The following PECAM1 variants were observed in gnomAD, a reference collection of about 807,000 sequenced individuals.
The protein encoded by PECAM1 is platelet endothelial cell adhesion molecule.
A neutral mutation model predicts 13.8 loss-of-function variants in PECAM1; 8 were observed. The observed-to-expected ratio is 0.58, with a 90% CI of 0.34 to 1.05. PECAM1 has a LOEUF of 1.05. Ranked by LOEUF, PECAM1 falls within the 50% of genes least tolerant of loss-of-function variation. PECAM1 has a pLI of 0.03. For synonymous variants in PECAM1, 136 were observed against 52.6 expected, an observed-to-expected ratio of 2.58 and a Z score of -6.86; for missense variants, 304 against 141.2, an observed-to-expected ratio of 2.15 and a Z score of -5.84.
intron 5 of PECAM1, among the ~76,000 whole-genome samples, chr17:64,365,262 C>A (rs1206594137): frequency 6.6e-6 from 1 of 152,164 alleles, no homozygotes; most frequent in African/African-American, 2.4e-5. Flanking sequence ...ATCCAACTTA[C>A]AAGGGACATG....
At chr17:64,373,147 A>ATAAATAAAT (rs1185925031) in intron 4 of PECAM1, among the ~76,000 whole-genome samples, 4 of 139,252 alleles carry the variant, frequency 2.9e-5, no homozygotes, top group African/African-American at 8.6e-5. Flanking sequence ...AAATAAATAA[A>ATAAATAAAT]AAAAAAAGAA....
chr17:64,385,775 C>T (rs2036579964), intron 2 of PECAM1, among the ~76,000 whole-genome samples: 1 of 152,158 alleles, frequency 6.6e-6, no homozygotes, highest in Non-Finnish European at 1.5e-5. Flanking sequence ...CCTGCCAGGC[C>T]AAGGACAGGC....
At chr17:64,361,127 A>ATGTGTGTGCGTGTGTGTGTGTG (rs1384237450) in intron 6 of PECAM1, among the ~76,000 whole-genome samples, 1 of 46,954 alleles carries the variant, frequency 2.1e-5, no homozygotes, top group African/African-American at 5.0e-5. Flanking sequence ...GGCTGAGCAT[A>ATGTGTGTGCGTGTGTGTGTGTG]TATGTGTGTG....
intron 5 of PECAM1, among the ~76,000 whole-genome samples, chr17:64,363,856 A>G (rs1397020527): frequency 6.6e-6 from 1 of 152,094 alleles, no homozygotes; most frequent in African/African-American, 2.4e-5. Context: ...AGGCAAGAGA[A>G]TCCCTTGAAC....
chr17:64,366,634 C>T (rs1379790091), intron 5 of PECAM1, among the ~76,000 whole-genome samples: 1 of 151,948 alleles, frequency 6.6e-6, no homozygotes, highest in Non-Finnish European at 1.5e-5. Flanking sequence ...CCATGGAATA[C>T]TATGCAGCCA....
At chr17:64,380,665 ACCTCAAAGAGTCTG>A (rs1401009060) in intron 2 of PECAM1, among the ~76,000 whole-genome samples, 5 of 152,198 alleles carry the variant, frequency 3.3e-5, no homozygotes, top group Non-Finnish European at 7.3e-5. Flanking sequence ...ATATGTAAAA[ACCTCAAAGAGTCTG>A]CAGACAAATT....
At chr17:64,337,536 C>G (rs1439352469) in intron 14 of PECAM1, among the ~76,000 whole-genome samples, 1 of 152,168 alleles carries the variant, frequency 6.6e-6, no homozygotes, top group Non-Finnish European at 1.5e-5. Context: ...GAAACTGAGT[C>G]TCTGAGGGGT....
intron 7 of PECAM1, 102 bp downstream of exon 7, chr17:64,360,038 C>T (rs2143808491): frequency 2.1e-6 from 1 of 474,276 alleles, no homozygotes; most frequent in East Asian, 3.1e-5. Context: ...AGGCATGAGC[C>T]ACCGCACCTG....
chr17:64,352,983 A>G (rs2035762406), intron 10 of PECAM1, among the ~76,000 whole-genome samples: 1 of 152,096 alleles, frequency 6.6e-6, no homozygotes, highest in South Asian at 2.1e-4. Flanking sequence ...AATAAACATC[A>G]GGACCAAAGC....
At chr17:64,323,873 A>C in intron 15 of PECAM1, 28 bp from the exon 16 acceptor site, 1 of 793,656 alleles carries the variant, frequency 1.3e-6, no homozygotes, top group South Asian at 1.3e-5. Flanking sequence ...AAGGCAAGTT[A>C]TGATCACACC....
intron 4 of PECAM1, among the ~76,000 whole-genome samples, chr17:64,373,445 A>G (rs2036286381): frequency 1.3e-5 from 2 of 152,134 alleles, no homozygotes; most frequent in African/African-American, 4.8e-5. Context: ...ACAAAAGTCC[A>G]TAAGATTTTG....
Position 64,322,748 on chromosome 17 carries a change from C to G in PECAM1, c.*1068G>C, listed in dbSNP as rs941540535. The G allele has an allele frequency of 3.2e-5, 29 of 920,230 alleles. No individual in the cohort carries two copies. Among genetic ancestry groups the G allele is most frequent in the Non-Finnish European group, 3.8e-5 (29 of 770,538 alleles). 57.0% of individuals were successfully genotyped at this position (920,230 alleles called of 1,614,324 possible). ...TTGTTTTTTTTGAGATGGATTCTCACTCTGTCACTCAGGCTGGAGTGCAGT... is the reference window on the plus strand; with the variant it reads ...TTGTTTTTTTTGAGATGGATTCTCAGTCTGTCACTCAGGCTGGAGTGCAGT... On this transcript the variant is annotated 3_prime_UTR_variant, in exon 16 of 16. Coordinates refer to ENST00000563924, the MANE Select transcript of PECAM1 (RefSeq NM_000442.5).
chr17:64,322,530 A>G lies in PECAM1; in HGVS notation c.*1286T>C, dbSNP rs941475542. ...CAAAGAGCAAAGGTCAAATTTATTT[A>G]ATACAACATCCACGAGGGTCCCTGC... is the stretch of plus-strand genomic sequence containing the variant. On this transcript the variant is annotated 3_prime_UTR_variant, in exon 16 of 16. Coordinates refer to ENST00000563924, the MANE Select transcript of PECAM1 (RefSeq NM_000442.5). 1.0e-6 allele frequency: 1 copy of G among 985,402 alleles called. No individual in the cohort carries two copies. Among genetic ancestry groups the G allele is most frequent in the South Asian group, 4.7e-5 (1 of 21,280 alleles). 61.0% of individuals were successfully genotyped at this position (985,402 alleles called of 1,614,324 possible). A position where few individuals can be genotyped will look rare whatever the true frequency, so the allele number is the denominator to read the frequency against.
At chr17:64,387,341 G>A (rs1044118414) in intron 2 of PECAM1, among the ~76,000 whole-genome samples, 1 of 152,044 alleles carries the variant, frequency 6.6e-6, no homozygotes, top group Non-Finnish European at 1.5e-5. Flanking sequence ...AGGTGAGGTG[G>A]GTAGGCACAG....
chr17:64,345,661 C>A (rs940837578), intron 13 of PECAM1, among the ~76,000 whole-genome samples: 1 of 149,282 alleles, frequency 6.7e-6, no homozygotes, highest in Admixed American at 6.8e-5. Context: ...AGCAGTGTGC[C>A]GAAACTGTGC....
intron 9 of PECAM1, among the ~76,000 whole-genome samples, chr17:64,353,807 T>C (rs1213529334): frequency 6.6e-6 from 1 of 152,180 alleles, no homozygotes; most frequent in Non-Finnish European, 1.5e-5. Flanking sequence ...TACCAAGATA[T>C]TTCCCCAGAA....
At position 64,348,325 on chromosome 17, in the gene PECAM1, G is replaced by C. The variant is rs2035632383; in HGVS notation, c.2045-3C>G. On this transcript the variant is annotated splice_polypyrimidine_tract_variant and splice_region_variant and intron_variant, in intron 12 of 15. Coordinates refer to ENST00000563924, the MANE Select transcript of PECAM1 (RefSeq NM_000442.5). ...CTGCACGTCTGAGTTCAGAGGCTCT[G>C]CTCAAAGAAACCACAGCAGCTTGTT... 1 of 474,956 alleles carries C rather than the reference G, an allele frequency of 2.1e-6. No individual in the cohort carries two copies. The highest frequency in any genetic ancestry group is 2.0e-5 in the African/African-American group (1 of 50,442). The allele number at this position is 474,956 out of a possible 1,614,324, so 29.4% of individuals were successfully genotyped here. A position where few individuals can be genotyped will look rare whatever the true frequency, so the allele number is the denominator to read the frequency against.
chr17:64,387,370 G>A (rs1057188396), intron 2 of PECAM1, among the ~76,000 whole-genome samples: 7 of 152,158 alleles, frequency 4.6e-5, no homozygotes, highest in East Asian at 3.9e-4. Flanking sequence ...CTAACTTTCA[G>A]AGAGGTTCGA....
chr17:64,323,030 A>T lies in PECAM1; in HGVS notation c.*786T>A. ...CCTGGCAAGGAATACATTTTTAAAA[A>T]TTAGTAAGAAACATACACATTTCAA... On this transcript the variant is annotated 3_prime_UTR_variant, in exon 16 of 16. Coordinates refer to ENST00000563924, the MANE Select transcript of PECAM1 (RefSeq NM_000442.5). 2 of 984,676 alleles carry T rather than the reference A, an allele frequency of 2.0e-6. No individual in the cohort carries two copies. Among genetic ancestry groups the T allele is most frequent in the Non-Finnish European group, 2.4e-6 (2 of 829,216 alleles). 61.0% of individuals were successfully genotyped at this position (984,676 alleles called of 1,614,324 possible).
Sources: gnomAD v4.1 joint callset for allele counts (sites outside exome capture counted in the v4.1 genomes callset) on GRCh38, gnomAD v4.1.1 for gene constraint, MANE v1.5 for transcripts, NCBI Gene and HGNC (gene_info 2026-07-23, HGNC 2026-07-21) for gene names.